RP1: variants seen among roughly 807,000 people sequenced by gnomAD.
The protein encoded by RP1 is oxygen-regulated protein 1.
In RP1, 16 loss-of-function variants were observed where a neutral mutation model predicts 14.8. The observed-to-expected ratio is 1.08, with a 90% CI of 0.73 to 1.65. The LOEUF is 1.65. RP1 is among the 40% of genes most tolerant of loss of function. The pLI, the probability that RP1 is intolerant of heterozygous loss-of-function variation, is 0.00. For synonymous variants in RP1, 876 were observed against 883.6 expected (o/e 0.99, Z 0.15); for missense variants, 2,631 against 2,535.0 (o/e 1.04, Z -0.81).
In RP1 at chr8:54,626,348, A is replaced by G; in HGVS notation, c.2466A>G (p.Val822=). 6.2e-7 allele frequency: 1 copy of G among 1,613,686 alleles called. No homozygotes were observed. Among genetic ancestry groups the G allele is most frequent in the Admixed American group, 1.7e-5 (1 of 59,976 alleles). ...TTGAAAACAAAAGTTTATTTCATGT[A>G]TTTAACATCCTTGAGCAAAAACCCA... ...STFENKSLFH[V]FNILEQKPKD... Residue 822 remains valine (V), a synonymous_variant, in exon 4 of 4, where the codon GTA becomes GTG. Coordinates refer to ENST00000220676, the MANE Select transcript of RP1 (RefSeq NM_006269.2).
chr8:54,637,442 T>G (rs756806639), intron 3 of RP1, among the ~76,000 whole-genome samples: 7 of 152,196 alleles, frequency 4.6e-5, no homozygotes, highest in Non-Finnish European at 1.0e-4. Flanking sequence ...TTTGCATTTT[T>G]ATTTCTTATC....
rs112524889 is a variant in RP1 at position 54,622,396 on chromosome 8, C to T, written c.787+108C>T. On this transcript the variant is annotated intron_variant, in intron 3 of 3. Coordinates refer to ENST00000220676, the MANE Select transcript of RP1 (RefSeq NM_006269.2). The stretch of plus-strand genomic sequence containing the variant: ...TGACCAGTTTCTTCCACCACAGAAA[C>T]GAAAAGGAGAGGATTTAAAAACATT... 21 of 897,786 alleles carry T rather than the reference C, an allele frequency of 2.3e-5. 1 individual carries two copies. The highest frequency in any genetic ancestry group is 2.7e-5 in the Non-Finnish European group (15 of 551,532). The allele number at this position is 897,786 out of a possible 1,614,324, so 55.6% of individuals were successfully genotyped here.
chr8:54,862,850 G>A (rs879538763), intron 27 of RP1, among the ~76,000 whole-genome samples: 3 of 151,996 alleles, frequency 2.0e-5, no homozygotes, highest in Admixed American at 6.6e-5. Flanking sequence ...TGGGCCTCTC[G>A]CATTGCAGAA....
rs1393955481 is a variant in RP1 at position 54,627,599 on chromosome 8, C to T, written c.3717C>T (p.Cys1239=). Residue 1239 remains cysteine, a synonymous_variant, in exon 4 of 4, where the codon TGC becomes TGT. Coordinates refer to ENST00000220676, the MANE Select transcript of RP1 (RefSeq NM_006269.2). ...TQGISSLDGG[C]SASEACAPEV... ...GAATCTCCTCTTTGGATGGAGGTTG[C>T]TCTGCCAGTGAGGCATGTGCCCCTG... 3 of 1,614,194 alleles carry T rather than the reference C, an allele frequency of 1.9e-6. No individual in the cohort carries two copies. The highest frequency in any genetic ancestry group is 1.3e-5 in the African/African-American group (1 of 75,070).
At chr8:54,870,727 A>G (rs1812570497) in exon 29 of RP1, 1 of 152,184 alleles carries the variant, frequency 6.6e-6, no homozygotes, top group African/African-American at 2.4e-5. Context: ...CGGAGAGGTC[A>G]GGATGTAGCT....
rs1807884847 is a variant in RP1, at chr8:54,697,080, T to C, written c.1718-2387T>C. ...AATAGAGTGGGCTTCCTCAAGGAGATGGGCACACCTGGCTATCGGGGTGAA... is the reference window on the plus strand; with the variant it reads ...AATAGAGTGGGCTTCCTCAAGGAGACGGGCACACCTGGCTATCGGGGTGAA... On this transcript the variant is annotated intron_variant, in intron 12 of 22. Transcript: ENST00000636932. 1.2e-5 allele frequency: 19 copies of C among 1,574,718 alleles called. No individual in the cohort carries two copies. In the South Asian group the frequency reaches 1.7e-4, roughly 14 times the overall value.
chr8:54,813,344 C>G (rs1250095004), intron 24 of RP1, among the ~76,000 whole-genome samples: 1 of 152,188 alleles, frequency 6.6e-6, no homozygotes, highest in African/African-American at 2.4e-5. Context: ...GAATAGCCTG[C>G]CTAGACACCC....
At chr8:54,679,432 G>T (rs937422426) in exon 10 of RP1, 16 of 1,535,674 alleles carry the variant, frequency 1.0e-5, no homozygotes, top group Non-Finnish European at 1.4e-5. Context: ...GGCTAGATCA[G>T]GGGGAAGATG....
intron 1 of RP1, among the ~76,000 whole-genome samples, chr8:54,599,411 GA>G (rs1290256063): frequency 6.6e-6 from 1 of 151,848 alleles, no homozygotes; most frequent in Admixed American, 6.6e-5. Context: ...ACCCTTGTCA[GA>G]TAATTCCAAC....
At chr8:54,830,077 A>G (rs1019981971) in intron 24 of RP1, among the ~76,000 whole-genome samples, 24 of 152,174 alleles carry the variant, frequency 1.6e-4, no homozygotes, top group Non-Finnish European at 2.8e-4. Flanking sequence ...ATAGTGTTCT[A>G]TATTCCTACT....
chr8:54,728,883 C>T (rs960922865), intron 17 of RP1, among the ~76,000 whole-genome samples: 8 of 152,086 alleles, frequency 5.3e-5, no homozygotes, highest in African/African-American at 1.9e-4. Flanking sequence ...CATCACTCAG[C>T]TTCAACAATG....
At chr8:54,830,650 C>T (rs539692965) in intron 24 of RP1, among the ~76,000 whole-genome samples, 1 of 152,152 alleles carries the variant, frequency 6.6e-6, no homozygotes, top group Non-Finnish European at 1.5e-5. Flanking sequence ...CTGATAATCT[C>T]TGCCATTTAA....
In RP1 at chr8:54,629,934, G is replaced by T. The variant is rs754343581; in HGVS notation, c.6052G>T (p.Glu2018Ter). 1 of 1,613,958 alleles carries T rather than the reference G, an allele frequency of 6.2e-7. No homozygotes were observed. The highest frequency in any genetic ancestry group is 1.1e-5 in the South Asian group (1 of 91,070). ...AATTAACTTCTTGGGGTTAGAGGAA[G>T]AAGGTAATTTAAAGAAATTTCAACC... ...KRINFLGLEE[E>*]GNLKKFQPDL... The change falls in exon 4 of 4, where the codon GAA becomes TAA. Residue 2018 changes from glutamate (E) to a stop codon, truncating the protein, a stop_gained. Transcript: ENST00000220676. LOFTEE classifies it low-confidence loss of function (END_TRUNC).
intron 8 of RP1, among the ~76,000 whole-genome samples, chr8:54,675,152 A>G (rs1807265970): frequency 6.6e-6 from 1 of 152,204 alleles, no homozygotes; most frequent in South Asian, 2.1e-4. Context: ...TGACCCAGTA[A>G]TATTAAACAT....
intron 25 of RP1, among the ~76,000 whole-genome samples, chr8:54,840,592 CA>C (rs59468913): frequency 0.12 from 15,486 of 127,278 alleles, 1,369 homozygotes; most frequent in African/African-American, 0.26. Flanking sequence ...TTGTTACATG[CA>C]AAAAAAAAAA....
At chr8:54,638,063 C>G (rs1412377124) in intron 3 of RP1, among the ~76,000 whole-genome samples, 10 of 152,118 alleles carry the variant, frequency 6.6e-5, no homozygotes, top group Admixed American at 2.0e-4. Context: ...CTGGGAATCT[C>G]CTTTTCCTCT....
At chr8:54,598,789 AT>A (rs1213959414) in intron 1 of RP1, among the ~76,000 whole-genome samples, 3 of 152,198 alleles carry the variant, frequency 2.0e-5, no homozygotes, top group Non-Finnish European at 4.4e-5. Context: ...TGGTTGCAAT[AT>A]CCTTCGGAGC....
chr8:54,663,666 TG>T, intron 6 of RP1: 1 of 1,500,812 alleles, frequency 6.7e-7, no homozygotes, highest in Non-Finnish European at 8.8e-7. Flanking sequence ...GAGTACTGCT[TG>T]GCACTGAAAG....
intron 25 of RP1, among the ~76,000 whole-genome samples, chr8:54,844,528 G>A (rs549073545): frequency 7.9e-5 from 12 of 151,284 alleles, no homozygotes; most frequent in East Asian, 3.9e-4. Flanking sequence ...ATGTGTGTGC[G>A]TGTGTAGACA....
Sources: allele counts gnomAD v4.1 joint callset (sites outside exome capture counted in the v4.1 genomes callset), GRCh38; gene constraint gnomAD v4.1.1; transcripts MANE v1.5; gene names NCBI Gene and HGNC (gene_info 2026-07-23, HGNC 2026-07-21).